CTNNA3: variants seen among roughly 807,000 people sequenced by gnomAD.
The protein encoded by CTNNA3 is catenin alpha-3.
In CTNNA3, 76 loss-of-function variants were observed where a neutral mutation model predicts 95.7. That is an observed-to-expected ratio of 0.79 (90% CI 0.66 to 0.96). CTNNA3 has a LOEUF of 0.96. Among genes scored for constraint, CTNNA3 ranks in the 40% least tolerant of loss-of-function variants. The pLI, the probability that CTNNA3 is intolerant of heterozygous loss-of-function variation, is 0.00. For synonymous variants in CTNNA3, 431 were observed against 374.4 expected, an observed-to-expected ratio of 1.15 and a Z score of -1.74; for missense variants, 1,191 against 1,089.8, an observed-to-expected ratio of 1.09 and a Z score of -1.31.
intron 12 of CTNNA3, among the ~76,000 whole-genome samples, chr10:66,331,242 T>A (rs568676474): frequency 6.6e-6 from 1 of 151,920 alleles, no homozygotes; most frequent in East Asian, 1.9e-4. Flanking sequence ...TTAATTTGTG[T>A]ATAAGGTGTA....
chr10:66,742,784 C>T (rs1205928091), intron 9 of CTNNA3, among the ~76,000 whole-genome samples: 1 of 152,120 alleles, frequency 6.6e-6, no homozygotes, highest in Non-Finnish European at 1.5e-5. Context: ...GACAAAGCGT[C>T]CTCTTCTGGT....
chr10:67,316,589 A>G (rs565157091), intron 5 of CTNNA3, among the ~76,000 whole-genome samples: 1 of 152,322 alleles, frequency 6.6e-6, no homozygotes, highest in African/African-American at 2.4e-5. Flanking sequence ...CTTCAACAGT[A>G]ATAGATAATT....
chr10:67,221,675 T>G (rs1390210894), intron 5 of CTNNA3, among the ~76,000 whole-genome samples: 1 of 152,114 alleles, frequency 6.6e-6, no homozygotes, highest in East Asian at 1.9e-4. Flanking sequence ...CCTGGGTTTA[T>G]GCAGTTCTCC....
At chr10:66,806,735 T>A (rs1221278218) in intron 7 of CTNNA3, among the ~76,000 whole-genome samples, 1 of 147,898 alleles carries the variant, frequency 6.8e-6, no homozygotes, top group Non-Finnish European at 1.5e-5. Flanking sequence ...TCCATCTATA[T>A]TTATAGAGAA....
intron 12 of CTNNA3, among the ~76,000 whole-genome samples, chr10:66,362,240 C>T (rs1011250936): frequency 2.6e-5 from 4 of 151,092 alleles, no homozygotes; most frequent in African/African-American, 9.7e-5. Flanking sequence ...GTAGCTGGGA[C>T]TATAGGTGTG....
At chr10:67,506,744 TTGTGAACACAGGTAGAGATGTACAGC>T (rs1839440246) in intron 5 of CTNNA3, among the ~76,000 whole-genome samples, 1 of 152,218 alleles carries the variant, frequency 6.6e-6, no homozygotes, top group South Asian at 2.1e-4. Flanking sequence ...TGTCTTCTGA[TTGTGAACACAGGTAGAGATGTACAGC>T]TTGGATACAA....
At chr10:67,035,301 T>C (rs1853977352) in intron 7 of CTNNA3, among the ~76,000 whole-genome samples, 2 of 152,230 alleles carry the variant, frequency 1.3e-5, no homozygotes, top group Non-Finnish European at 1.5e-5. Context: ...AAGAATTGCA[T>C]ATAACATCAT....
rs138323710 is a variant in CTNNA3, at chr10:66,512,499, T to C, written c.1531+8118A>G. Among the ~76,000 whole-genome samples, 23 of 152,202 alleles carry C rather than the reference T, an allele frequency of 1.5e-4. 1 individual carries two copies. The highest frequency in any genetic ancestry group is 4.6e-4 in the African/African-American group (19 of 41,580). On this transcript the variant is annotated intron_variant, in intron 11 of 17. Coordinates refer to ENST00000433211, the MANE Select transcript of CTNNA3 (RefSeq NM_013266.4). ...TTGGTGGTTTTCTGTAGTGATAAAATTTTATTCCTTTCTTTTTCTCATTTG... is the reference window on the plus strand; with the variant it reads ...TTGGTGGTTTTCTGTAGTGATAAAACTTTATTCCTTTCTTTTTCTCATTTG...
intron 6 of CTNNA3, among the ~76,000 whole-genome samples, chr10:67,187,104 T>C (rs1862889147): frequency 6.6e-6 from 1 of 152,152 alleles, no homozygotes; most frequent in African/African-American, 2.4e-5. Context: ...CTTTTCAAAA[T>C]TAAAGACTTT....
chr10:67,595,618 G>A (rs1405705349), intron 3 of CTNNA3, among the ~76,000 whole-genome samples: 1 of 152,154 alleles, frequency 6.6e-6, no homozygotes, highest in African/African-American at 2.4e-5. Flanking sequence ...CTGTGGTTGG[G>A]TGGAGTCTTC....
chr10:66,171,880 A>G lies in CTNNA3; in HGVS notation c.1885-68631T>C, dbSNP rs537705624. ...CAAAAAAAATTAAAAAAAATCATCAATGCTGCTGGGCAGCTGGAAACATTT... is the reference window on the plus strand; with the variant it reads ...CAAAAAAAATTAAAAAAAATCATCAGTGCTGCTGGGCAGCTGGAAACATTT... On this transcript the variant is annotated intron_variant, in intron 13 of 17. Coordinates refer to ENST00000433211, the MANE Select transcript of CTNNA3 (RefSeq NM_013266.4). 3.3e-4 allele frequency among the ~76,000 whole-genome samples: 51 copies of G among 152,290 alleles called. 1 individual carries two copies. Among genetic ancestry groups the G allele is most frequent in the African/African-American group, 1.0e-3 (43 of 41,578 alleles).
At chr10:67,539,389 G>T in intron 4 of CTNNA3, 114 bp downstream of exon 4, 2 of 1,091,610 alleles carry the variant, frequency 1.8e-6, no homozygotes, top group African/African-American at 1.6e-5. Context: ...TTCTGAAGGG[G>T]TGATGTTAAG....
chr10:67,473,469 TG>T (rs60562054), intron 5 of CTNNA3, among the ~76,000 whole-genome samples: 1,693 of 152,312 alleles, frequency 0.011, 30 homozygotes, highest in African/African-American at 0.039. Flanking sequence ...ACACAGAATA[TG>T]AAACTAATAA....
Position 66,340,083 on chromosome 10 carries a change from G to T in CTNNA3, c.1732+39069C>A, listed in dbSNP as rs73303478. 7.5e-3 allele frequency among the ~76,000 whole-genome samples: 1,134 copies of T among 151,762 alleles called. 13 individuals carry two copies. Among genetic ancestry groups the T allele is most frequent in the African/African-American group, 0.026 (1,076 of 41,470 alleles). ...TTACATATTAATAAAAAAGGACAGG[G>T]TTATATTTGTGGGTCTTGGTTGACA... On this transcript the variant is annotated intron_variant, in intron 12 of 17. Coordinates refer to ENST00000433211, the MANE Select transcript of CTNNA3 (RefSeq NM_013266.4).
chr10:67,550,257 G>A (rs1378308146), intron 3 of CTNNA3, among the ~76,000 whole-genome samples: 1 of 152,026 alleles, frequency 6.6e-6, no homozygotes, highest in Non-Finnish European at 1.5e-5. Context: ...TTTCCCATAT[G>A]CCTCAGTTAA....
chr10:66,236,959 TA>T (rs57353041), intron 13 of CTNNA3, among the ~76,000 whole-genome samples: 7 of 148,714 alleles, frequency 4.7e-5, no homozygotes, highest in East Asian at 4.0e-4. Flanking sequence ...CACTAAAAAT[TA>T]AAAAAAAAAC....
chr10:66,941,366 A>G (rs1209973353), intron 7 of CTNNA3, among the ~76,000 whole-genome samples: 1 of 152,244 alleles, frequency 6.6e-6, no homozygotes, highest in Non-Finnish European at 1.5e-5. Context: ...ATCAAGATTT[A>G]TGACATAAGG....
chr10:66,289,762 A>C (rs2132188155), intron 12 of CTNNA3, among the ~76,000 whole-genome samples: 1 of 152,196 alleles, frequency 6.6e-6, no homozygotes, highest in South Asian at 2.1e-4. Flanking sequence ...AGTCTATACA[A>C]GAAAATGAAG....
intron 7 of CTNNA3, among the ~76,000 whole-genome samples, chr10:66,987,544 C>G (rs1258215439): frequency 6.6e-6 from 1 of 152,124 alleles, no homozygotes; most frequent in African/African-American, 2.4e-5. Flanking sequence ...AAGAGAGGCT[C>G]ATCCAGTTGT....
Sources: allele counts gnomAD v4.1 joint callset (sites outside exome capture counted in the v4.1 genomes callset), GRCh38; gene constraint gnomAD v4.1.1; transcripts MANE v1.5; gene names NCBI Gene and HGNC (gene_info 2026-07-23, HGNC 2026-07-21).